ZMIZ1: variants seen among roughly 807,000 people sequenced by gnomAD.
ZMIZ1 encodes the protein zinc finger MIZ domain-containing protein 1.
In ZMIZ1, 17 loss-of-function variants were observed where a neutral mutation model predicts 113.9. That is an observed-to-expected ratio of 0.15 (90% confidence interval 0.10 to 0.22). The LOEUF (loss-of-function observed/expected upper bound fraction) is 0.22, where lower values mean the gene tolerates loss of function less well. Among genes scored for constraint, ZMIZ1 ranks in the 10% least tolerant of loss-of-function variants. The probability of loss-of-function intolerance (pLI) is 1.00; values close to 1 mark genes in which losing one functional copy is unlikely to be tolerated. For missense variants in ZMIZ1, 1,059 were observed against 1,477.8 expected, an observed-to-expected ratio of 0.72 and a Z score of 4.65; for synonymous variants, 607 against 603.1, an observed-to-expected ratio of 1.01 and a Z score of -0.09.
rs552340393 is a variant in ZMIZ1, at chr10:79,094,125, G to A, written c.-336-24790G>A. 6.8e-4 allele frequency among the ~76,000 whole-genome samples: 103 copies of A among 152,330 alleles called. 2 individuals carry two copies. In the South Asian group the frequency reaches 0.02, roughly 29 times the overall value. On this transcript the variant is annotated intron_variant, in intron 1 of 24. Coordinates refer to ENST00000334512, the MANE Select transcript of ZMIZ1 (RefSeq NM_020338.4). ...GTCACAGCTGCCCTTTGGACAGAAA[G>A]GGCCTAATTGAGTAAGAGAGCGCTG... is the stretch of plus-strand genomic sequence containing the variant.
At chr10:79,102,949 G>A (rs1843416628) in intron 1 of ZMIZ1, among the ~76,000 whole-genome samples, 2 of 152,230 alleles carry the variant, frequency 1.3e-5, no homozygotes, top group African/African-American at 4.8e-5. Flanking sequence ...TTGAGGAGGT[G>A]CTGACCCTCC....
chr10:79,302,681 C>CTTTTTT lies in ZMIZ1; in HGVS notation c.2125+488_2125+493dup, dbSNP rs758621365. Among the ~76,000 whole-genome samples the CTTTTTT allele has an allele frequency of 1.5e-3, 62 of 41,788 alleles. 4 individuals are homozygous for CTTTTTT. The highest frequency in any genetic ancestry group is 3.3e-3 in the East Asian group (4 of 1,202). The allele number at this position is 41,788 out of a possible 152,430, so 27.4% of individuals were successfully genotyped here. Reference sequence around the variant, plus strand: ...GGCCTCCCTACTTCAACAGCTCATGCTTTTTTTTTTTTTTTTTTTTTTTTG... The same window carrying CTTTTTT: ...GGCCTCCCTACTTCAACAGCTCATGCTTTTTTTTTTTTTTTTTTTTTTTTTTTTTTG... On this transcript the variant is annotated intron_variant, in intron 18 of 24. Coordinates refer to ENST00000334512, the MANE Select transcript of ZMIZ1 (RefSeq NM_020338.4).
intron 1 of ZMIZ1, among the ~76,000 whole-genome samples, chr10:79,070,492 C>T (rs1415492173): frequency 7.1e-6 from 1 of 140,806 alleles, no homozygotes; most frequent in Non-Finnish European, 1.6e-5. Flanking sequence ...GTAAACAACC[C>T]GGGCGGGAGG....
chr10:79,119,263 C>A (rs1844183698), intron 2 of ZMIZ1, among the ~76,000 whole-genome samples: 1 of 152,184 alleles, frequency 6.6e-6, no homozygotes, highest in South Asian at 2.1e-4. Flanking sequence ...ATTCTGCTGC[C>A]AACTCCCAGT....
chr10:79,270,472 G>C (rs1681524286), intron 7 of ZMIZ1, among the ~76,000 whole-genome samples: 1 of 152,154 alleles, frequency 6.6e-6, no homozygotes, highest in Admixed American at 6.5e-5. Flanking sequence ...ATTTATAGAA[G>C]ATACCAGCCC....
chr10:79,298,629 T>G lies in ZMIZ1; in HGVS notation c.1666+49T>G, dbSNP rs757098941. ...TGGCAGCTCCACCTGGGCCCCCCAGTGGGCCGGGAGCAGGGGCTTCGCAGT... is the reference window on the plus strand; with the variant it reads ...TGGCAGCTCCACCTGGGCCCCCCAGGGGGCCGGGAGCAGGGGCTTCGCAGT... On this transcript the variant is annotated intron_variant, in intron 15 of 24. Transcript: ENST00000334512. 4 of 1,530,840 alleles carry G rather than the reference T, an allele frequency of 2.6e-6. No homozygotes were observed. In the South Asian group the frequency reaches 3.6e-5, roughly 14 times the overall value. 94.8% of individuals were successfully genotyped at this position (1,530,840 alleles called of 1,614,324 possible).
chr10:79,277,956 C>T (rs1852408448), intron 8 of ZMIZ1, among the ~76,000 whole-genome samples: 1 of 152,210 alleles, frequency 6.6e-6, no homozygotes, highest in African/African-American at 2.4e-5. Flanking sequence ...ACAACAGGGC[C>T]TGTCATGCTG....
At chr10:79,232,604 G>C (rs1849434076) in intron 7 of ZMIZ1, among the ~76,000 whole-genome samples, 1 of 152,054 alleles carries the variant, frequency 6.6e-6, no homozygotes, top group East Asian at 1.9e-4. Flanking sequence ...CATCGTACCA[G>C]GGGCGAGGCT....
rs1381628846 is a variant in ZMIZ1, at chr10:79,124,257, G to A, written c.-227+5233G>A. Among the ~76,000 whole-genome samples, 5 of 152,200 alleles carry A rather than the reference G, an allele frequency of 3.3e-5. No homozygotes were observed. In the East Asian group the frequency reaches 7.7e-4, roughly 23 times the overall value. ...TGGTCTGTAAAATCAGAGGATTGGG[G>A]TAGGTCAGGGATTACAAACTGCAGT... On this transcript the variant is annotated intron_variant, in intron 2 of 24. Transcript: ENST00000334512.
At chr10:79,103,301 G>T (rs546623293) in intron 1 of ZMIZ1, among the ~76,000 whole-genome samples, 1 of 152,128 alleles carries the variant, frequency 6.6e-6, no homozygotes, top group African/African-American at 2.4e-5. Context: ...TGCCTGGGGT[G>T]GGGGGCTGTA....
In ZMIZ1 at chr10:79,313,956, G is replaced by T; in HGVS notation, c.*1207G>T. 1 of 431,434 alleles carries T rather than the reference G, an allele frequency of 2.3e-6. No individual in the cohort carries two copies. The highest frequency in any genetic ancestry group is 4.7e-6 in the Non-Finnish European group (1 of 213,610). The allele number at this position is 431,434 out of a possible 1,614,324, so 26.7% of individuals were successfully genotyped here. On this transcript the variant is annotated 3_prime_UTR_variant, in exon 25 of 25. Coordinates refer to ENST00000334512, the MANE Select transcript of ZMIZ1 (RefSeq NM_020338.4). ...TGTCCCTGTGCTCCAAGCTGCCCCC[G>T]GCTGCAGCCCAGGCCATGGACATGT...
intron 1 of ZMIZ1, among the ~76,000 whole-genome samples, chr10:79,070,125 GGCCGGGGCTGGA>G (rs1275146597): frequency 6.6e-6 from 1 of 151,432 alleles, no homozygotes; most frequent in Non-Finnish European, 1.5e-5. Flanking sequence ...GAGGTTGGGG[GGCCGGGGCTGGA>G]GCCGGGGTCG....
rs540865745 is a variant in ZMIZ1, at chr10:79,305,184, C to T, written c.2307C>T (p.Tyr769=). The part of the protein sequence containing the change: ...KHVQCFDLES[Y]LQLNCERGTW... ...TGCAGTGCTTTGATCTGGAGTCATA[C>T]CTGCAGCTGAATTGCGAGAGAGGGA... Residue 769 remains tyrosine, a synonymous_variant, in exon 20 of 25, where the codon TAC becomes TAT. Transcript: ENST00000334512. 4.3e-6 allele frequency: 7 copies of T among 1,614,142 alleles called. No homozygotes were observed. The highest frequency in any genetic ancestry group is 1.7e-5 in the Admixed American group (1 of 60,026).
At chr10:79,164,342 A>G (rs1022506599) in intron 4 of ZMIZ1, among the ~76,000 whole-genome samples, 2 of 152,252 alleles carry the variant, frequency 1.3e-5, no homozygotes, top group African/African-American at 4.8e-5. Flanking sequence ...TGAATGAACC[A>G]TTGTTCACTA....
rs573105782 is a variant in ZMIZ1 at position 79,166,675 on chromosome 10, G to T, written c.-50+4542G>T. On this transcript the variant is annotated intron_variant, in intron 4 of 24. Transcript: ENST00000334512. The stretch of plus-strand genomic sequence containing the variant: ...AATGAAATTCCTGCTATAATTAGAA[G>T]TGAGGTGTACAGGAGCTGGCTGCCT... Among the ~76,000 whole-genome samples the T allele has an allele frequency of 1.6e-4, 25 of 152,374 alleles. No homozygotes were observed. In the East Asian group the frequency reaches 4.6e-3, roughly 28 times the overall value.
At position 79,188,373 on chromosome 10, in the gene ZMIZ1, T is replaced by C. The variant is rs1039022673; in HGVS notation, c.-49-13211T>C. On this transcript the variant is annotated intron_variant, in intron 4 of 24. Transcript: ENST00000334512. Reference sequence around the variant, plus strand: ...TGGCCTTTGCCCTTCCAGGAAGTGTTCTGGGCCGCTCTTCCCGCCCCCGAG... The same window carrying C: ...TGGCCTTTGCCCTTCCAGGAAGTGTCCTGGGCCGCTCTTCCCGCCCCCGAG... 6.6e-5 allele frequency among the ~76,000 whole-genome samples: 10 copies of C among 152,304 alleles called. No individual in the cohort carries two copies. In the South Asian group the frequency reaches 1.9e-3, roughly 28 times the overall value.
chr10:79,102,968 A>G (rs911643241), intron 1 of ZMIZ1, among the ~76,000 whole-genome samples: 1 of 152,242 alleles, frequency 6.6e-6, no homozygotes, highest in Non-Finnish European at 1.5e-5. Flanking sequence ...CCTGGGGCTA[A>G]CATCATTGAG....
In ZMIZ1 at chr10:79,315,704, G is replaced by C. The variant is rs371929144; in HGVS notation, c.*2955G>C. On this transcript the variant is annotated 3_prime_UTR_variant, in exon 25 of 25. Coordinates refer to ENST00000334512, the MANE Select transcript of ZMIZ1 (RefSeq NM_020338.4). Reference sequence around the variant, plus strand: ...AGAGAGCTACAGGTCTGCTCCCGACGGGCCTCGGGCCTGACCCGTCCACAC... The same window carrying C: ...AGAGAGCTACAGGTCTGCTCCCGACCGGCCTCGGGCCTGACCCGTCCACAC... 1 of 152,912 alleles carries C rather than the reference G, an allele frequency of 6.5e-6. No homozygotes were observed. Among genetic ancestry groups the C allele is most frequent in the South Asian group, 2.1e-4 (1 of 4,824 alleles). The allele number at this position is 152,912 out of a possible 1,614,324, so 9.5% of individuals were successfully genotyped here. A position where few individuals can be genotyped will look rare whatever the true frequency, so the allele number is the denominator to read the frequency against.
chr10:79,274,727 TC>T (rs890942860), intron 7 of ZMIZ1, among the ~76,000 whole-genome samples: 2 of 152,226 alleles, frequency 1.3e-5, no homozygotes, highest in African/African-American at 2.4e-5. Flanking sequence ...GGCTGGCTGA[TC>T]CACATATCAC....
Sources: gnomAD v4.1 joint callset for allele counts (sites outside exome capture counted in the v4.1 genomes callset) on GRCh38, gnomAD v4.1.1 for gene constraint, MANE v1.5 for transcripts, NCBI Gene and HGNC (gene_info 2026-07-23, HGNC 2026-07-21) for gene names.